LRBA: variants seen among roughly 807,000 people sequenced by gnomAD.
The protein encoded by LRBA is lipopolysaccharide-responsive and beige-like anchor protein.
A neutral mutation model predicts 330.0 loss-of-function variants in LRBA; 176 were observed. The ratio of observed to expected loss-of-function variants is 0.53; its 90% CI spans 0.47 to 0.60. LRBA has a LOEUF of 0.60. Among genes scored for constraint, LRBA ranks in the 20% least tolerant of loss-of-function variants. LRBA has a pLI of 0.00. For synonymous variants in LRBA, 1,230 were observed against 1,193.0 expected (o/e 1.03, Z -0.64); for missense variants, 3,259 against 3,444.8 (o/e 0.95, Z 1.35).
chr4:150,598,052 T>C (rs1773700255), intron 38 of LRBA, among the ~76,000 whole-genome samples: 1 of 152,132 alleles, frequency 6.6e-6, no homozygotes, highest in Non-Finnish European at 1.5e-5. Context: ...AGATTACAGA[T>C]TTTTAATCTA....
At chr4:150,755,569 C>A (rs548768839) in intron 35 of LRBA, among the ~76,000 whole-genome samples, 18 of 152,164 alleles carry the variant, frequency 1.2e-4, no homozygotes, top group Admixed American at 9.8e-4. Context: ...GAATTTAAAT[C>A]TTAAAATTTT....
At chr4:150,551,629 C>T (rs1766601443) in intron 40 of LRBA, among the ~76,000 whole-genome samples, 1 of 151,838 alleles carries the variant, frequency 6.6e-6, no homozygotes, top group Non-Finnish European at 1.5e-5. Context: ...GATCATGTCA[C>T]TGCACTCCAG....
chr4:150,460,703 G>A (rs1754669011), intron 44 of LRBA, among the ~76,000 whole-genome samples: 1 of 151,640 alleles, frequency 6.6e-6, no homozygotes, highest in African/African-American at 2.4e-5. Flanking sequence ...TTATTTTCCT[G>A]TTTCTGCACT....
At chr4:150,345,215 C>T (rs1234514839) in intron 48 of LRBA, among the ~76,000 whole-genome samples, 2 of 152,148 alleles carry the variant, frequency 1.3e-5, no homozygotes, top group East Asian at 3.8e-4. Context: ...CTTATTTTCC[C>T]ATTAGATAAT....
At chr4:150,323,103 A>G (rs1732774582) in intron 49 of LRBA, among the ~76,000 whole-genome samples, 1 of 151,696 alleles carries the variant, frequency 6.6e-6, no homozygotes, top group Non-Finnish European at 1.5e-5. Flanking sequence ...TGATTTTTAA[A>G]ACCCTAGTAT....
At chr4:150,579,607 A>AGAAGC (rs1561380300) in intron 40 of LRBA, 1 of 452,574 alleles carries the variant, frequency 2.2e-6, no homozygotes, top group African/African-American at 2.0e-5. Context: ...GTAAAAGTGG[A>AGAAGC]GAAGCGTAGG....
chr4:150,784,410 C>T (rs148835845), intron 34 of LRBA, among the ~76,000 whole-genome samples: 13 of 152,314 alleles, frequency 8.5e-5, no homozygotes, highest in Admixed American at 7.2e-4. Flanking sequence ...TGGTGATTAT[C>T]GCTGCCTTTT....
chr4:151,007,541 A>C (rs1309218879), intron 2 of LRBA, among the ~76,000 whole-genome samples: 1 of 150,092 alleles, frequency 6.7e-6, no homozygotes, highest in Non-Finnish European at 1.5e-5. Context: ...GGCACTCTTA[A>C]CAATTGGATA....
At chr4:150,620,394 T>G (rs186205218) in intron 37 of LRBA, among the ~76,000 whole-genome samples, 18 of 152,292 alleles carry the variant, frequency 1.2e-4, no homozygotes, top group Admixed American at 1.0e-3. Context: ...GAAAACTGTT[T>G]GGAAATTTCT....
At position 150,467,540 on chromosome 4, in the gene LRBA, T is replaced by C. The variant is rs565049995; in HGVS notation, c.6780+133A>G. The C allele has an allele frequency of 2.3e-4, 131 of 558,680 alleles. 2 individuals carry two copies. The South Asian group carries it at 2.5e-3, about 11-fold the overall frequency. 34.6% of individuals were successfully genotyped at this position (558,680 alleles called of 1,614,324 possible). The stretch of plus-strand genomic sequence containing the variant: ...TTAAATTTTTCCATTTGAAAATCTG[T>C]TTAAGAGATAATTATATTAAAGGTA... On this transcript the variant is annotated intron_variant, in intron 44 of 56. Coordinates refer to ENST00000651943, the MANE Select transcript of LRBA (RefSeq NM_001364905.1).
chr4:150,842,807 G>A (rs1239899277), intron 28 of LRBA, among the ~76,000 whole-genome samples: 3 of 151,884 alleles, frequency 2.0e-5, no homozygotes, highest in Non-Finnish European at 4.4e-5. Flanking sequence ...GAATTATTGT[G>A]AGAATTAAAC....
At chr4:150,898,143 ACT>A (rs1358168220) in intron 14 of LRBA, among the ~76,000 whole-genome samples, 2 of 152,102 alleles carry the variant, frequency 1.3e-5, no homozygotes, top group Non-Finnish European at 2.9e-5. Flanking sequence ...GTATTTTAAG[ACT>A]CTGAGAGTAT....
At chr4:150,293,716 T>A (rs562883109) in intron 53 of LRBA, among the ~76,000 whole-genome samples, 2 of 152,202 alleles carry the variant, frequency 1.3e-5, no homozygotes, top group South Asian at 4.1e-4. Flanking sequence ...AAGACTAAGG[T>A]TGACCCTTGA....
chr4:150,911,575 G>A (rs1322965279), intron 9 of LRBA, among the ~76,000 whole-genome samples: 10 of 152,076 alleles, frequency 6.6e-5, no homozygotes, highest in Admixed American at 2.6e-4. Context: ...TTCTTTTAAT[G>A]TGCTGTTAAA....
At chr4:150,504,510 A>G (rs1023670970) in intron 40 of LRBA, among the ~76,000 whole-genome samples, 4 of 152,182 alleles carry the variant, frequency 2.6e-5, no homozygotes, top group East Asian at 3.8e-4. Flanking sequence ...ATAAGTGAAC[A>G]AGAAATAAAA....
At chr4:150,642,580 A>C (rs1204154175) in intron 37 of LRBA, among the ~76,000 whole-genome samples, 7 of 151,924 alleles carry the variant, frequency 4.6e-5, no homozygotes, top group African/African-American at 1.7e-4. Flanking sequence ...TAATTAGATG[A>C]AGGGTTATGT....
At position 150,612,689 on chromosome 4, in the gene LRBA, G is replaced by A. The variant is rs79267402; in HGVS notation, c.5922-13558C>T. On this transcript the variant is annotated intron_variant, in intron 37 of 56. Transcript: ENST00000651943. ...AAATATTTTCTGAGTACCTGCTACC[G>A]TGTGGAAAGAACTGGTTGAGGTGCC... 7.1e-3 allele frequency among the ~76,000 whole-genome samples: 1,087 copies of A among 152,170 alleles called. 18 individuals are homozygous for A. The highest frequency in any genetic ancestry group is 0.025 in the African/African-American group (1,028 of 41,512).
chr4:150,623,783 T>G lies in LRBA; in HGVS notation c.5922-24652A>C, dbSNP rs147199022. On this transcript the variant is annotated intron_variant, in intron 37 of 56. Transcript: ENST00000651943. ...TGAACTGAGAAGAATGTTCCCCACCTAGATAAGAAAATTTTATACAATTTA... is the reference window on the plus strand; with the variant it reads ...TGAACTGAGAAGAATGTTCCCCACCGAGATAAGAAAATTTTATACAATTTA... Among the ~76,000 whole-genome samples the G allele has an allele frequency of 6.0e-4, 92 of 152,252 alleles. No individual in the cohort carries two copies. The East Asian group carries it at 0.017, about 28-fold the overall frequency.
At chr4:150,455,164 C>T (rs1380627346) in intron 44 of LRBA, among the ~76,000 whole-genome samples, 3 of 148,172 alleles carry the variant, frequency 2.0e-5, no homozygotes, top group Non-Finnish European at 4.5e-5. Flanking sequence ...GTGATATTCC[C>T]CTTCCTGTGT....
Sources: allele counts gnomAD v4.1 joint callset (sites outside exome capture counted in the v4.1 genomes callset), GRCh38; gene constraint gnomAD v4.1.1; transcripts MANE v1.5; gene names NCBI Gene and HGNC (gene_info 2026-07-23, HGNC 2026-07-21).